The following THOC1 variants were observed in gnomAD, a reference collection of about 807,000 sequenced individuals.
THOC1 encodes THO complex subunit 1.
Under a neutral mutation model 97.3 loss-of-function variants are expected in THOC1, and 29 were observed. The ratio of observed to expected loss-of-function variants is 0.30; its 90% CI spans 0.22 to 0.41. The LOEUF (loss-of-function observed/expected upper bound fraction) is 0.41, where lower values mean the gene tolerates loss of function less well. Among genes scored for constraint, THOC1 ranks in the 10% least tolerant of loss-of-function variants. The probability of loss-of-function intolerance (pLI) is 1.00; values close to 1 mark genes in which losing one functional copy is unlikely to be tolerated. For missense variants in THOC1, 529 were observed against 761.9 expected (o/e 0.69, Z 3.60); for synonymous variants, 255 against 257.0 (o/e 0.99, Z 0.07).
At chr18:216,288 T>C in intron 19 of THOC1, 198 bp downstream of exon 19, 1 of 621,532 alleles carries the variant, frequency 1.6e-6, no homozygotes, top group Non-Finnish European at 2.7e-6. Context: ...GTACAGAAAA[T>C]TATCAGTTAC....
chr18:254,190 G>T lies in THOC1; in HGVS notation c.603+83C>A. 2 of 959,484 alleles carry T rather than the reference G, an allele frequency of 2.1e-6. No homozygotes were observed. The highest frequency in any genetic ancestry group is 2.1e-4 in the Middle Eastern group (1 of 4,808). 59.4% of individuals were successfully genotyped at this position (959,484 alleles called of 1,614,324 possible). A position where few individuals can be genotyped will look rare whatever the true frequency, so the allele number is the denominator to read the frequency against. ...GCCTCCCAAAGTGCTAGGATTACAA[G>T]TGTGAGCCACTGTGCCTGGACCCAC... is the stretch of plus-strand genomic sequence containing the variant. On this transcript the variant is annotated intron_variant, in intron 8 of 20. Coordinates refer to ENST00000261600, the MANE Select transcript of THOC1 (RefSeq NM_005131.3). The surrounding 1 kb of genome is among the most constrained non-coding windows in gnomAD (Gnocchi z 4.1).
chr18:224,053 G>C lies in THOC1; in HGVS notation c.1304+31C>G, dbSNP rs1462052078. The C allele has an allele frequency of 2.2e-6, 3 of 1,380,952 alleles. No homozygotes were observed. In the African/African-American group the frequency reaches 4.3e-5, roughly 20 times the overall value. The allele number at this position is 1,380,952 out of a possible 1,614,324, so 85.5% of individuals were successfully genotyped here. ...ATCTTCAAAATATAAAAATAACTAAGAACATCCCACATGAAGACAAATTCA... is the reference window on the plus strand; with the variant it reads ...ATCTTCAAAATATAAAAATAACTAACAACATCCCACATGAAGACAAATTCA... On this transcript the variant is annotated intron_variant, in intron 16 of 20. Coordinates refer to ENST00000261600, the MANE Select transcript of THOC1 (RefSeq NM_005131.3).
At chr18:215,946 C>G (rs1394671434) in intron 19 of THOC1, among the ~76,000 whole-genome samples, 3 of 152,056 alleles carry the variant, frequency 2.0e-5, no homozygotes, top group Non-Finnish European at 4.4e-5. Context: ...AACAGTTTAC[C>G]TGAAGTATCA....
chr18:226,436 A>G (rs903826234), intron 12 of THOC1: 1 of 169,494 alleles, frequency 5.9e-6, no homozygotes, highest in Non-Finnish European at 1.3e-5. Flanking sequence ...AATGTCCTGC[A>G]GAGCTCCACA....
chr18:265,888 A>G (rs1912752100), intron 1 of THOC1, among the ~76,000 whole-genome samples: 2 of 152,158 alleles, frequency 1.3e-5, no homozygotes, highest in African/African-American at 4.8e-5. Flanking sequence ...GGTCCTTGAT[A>G]ATGTTATCCC....
chr18:222,928 ATTAT>A (rs1289896110), intron 17 of THOC1, among the ~76,000 whole-genome samples: 2 of 151,292 alleles, frequency 1.3e-5, no homozygotes, highest in African/African-American at 4.9e-5. Flanking sequence ...CCCATTCTCT[ATTAT>A]TTCTTTCTGC....
chr18:252,493 G>A (rs1389135036), intron 9 of THOC1, 46 bp downstream of exon 9: 1 of 1,399,286 alleles, frequency 7.1e-7, no homozygotes, highest in African/African-American at 1.4e-5. Flanking sequence ...CAATAAATTA[G>A]GAGATTATCT....
chr18:223,994 T>C, intron 16 of THOC1, 90 bp downstream of exon 16: 1 of 942,618 alleles, frequency 1.1e-6, no homozygotes, highest in Non-Finnish European at 1.7e-6. Context: ...CACAATCTCA[T>C]ACTATATTTT....
intron 1 of THOC1, among the ~76,000 whole-genome samples, chr18:266,693 C>A (rs1301986474): frequency 2.6e-5 from 4 of 152,100 alleles, no homozygotes; most frequent in Admixed American, 2.6e-4. Flanking sequence ...CCCACCACCA[C>A]GCCTGGCTAA....
intron 11 of THOC1, among the ~76,000 whole-genome samples, chr18:234,657 C>T (rs991737672): frequency 1.3e-5 from 2 of 152,182 alleles, no homozygotes; most frequent in Non-Finnish European, 1.5e-5. Flanking sequence ...GCTGGGATTA[C>T]AGGCGTAAGC....
At chr18:218,761 C>A in intron 18 of THOC1, 125 bp downstream of exon 18, 1 of 712,204 alleles carries the variant, frequency 1.4e-6, no homozygotes, top group South Asian at 2.0e-5. Context: ...AACATAAACT[C>A]ACCTAAGAGA....
chr18:215,335 T>C (rs1298478149), intron 20 of THOC1, 94 bp downstream of exon 20: 15 of 921,530 alleles, frequency 1.6e-5, no homozygotes, highest in African/African-American at 3.3e-5. Context: ...ATGGGAGAAG[T>C]TGAGAAGTCG....
chr18:216,714 T>C (rs892945900), intron 18 of THOC1, 81 bp from the exon 19 acceptor site: 2 of 1,462,488 alleles, frequency 1.4e-6, no homozygotes, highest in Non-Finnish European at 1.8e-6. Flanking sequence ...CATGTGTAAT[T>C]CTGTATTTAA....
chr18:239,881 CCA>C (rs1911838537), intron 11 of THOC1, among the ~76,000 whole-genome samples: 1 of 152,076 alleles, frequency 6.6e-6, no homozygotes, highest in South Asian at 2.1e-4. Context: ...GGTATGAAGT[CCA>C]TTTATAACCA....
chr18:235,225 G>T (rs991185248), intron 11 of THOC1, among the ~76,000 whole-genome samples: 1 of 151,704 alleles, frequency 6.6e-6, no homozygotes, highest in East Asian at 1.9e-4. Context: ...AATTTTTACT[G>T]TTAATATTGT....
In THOC1 at chr18:260,186, T is replaced by C. The variant is rs1487904520; in HGVS notation, c.375A>G (p.Ser125=). 6 of 1,541,118 alleles carry C rather than the reference T, an allele frequency of 3.9e-6. No homozygotes were observed. Among genetic ancestry groups the C allele is most frequent in the Non-Finnish European group, 4.4e-6 (5 of 1,143,146 alleles). ...FVEKNVATWK[S]NTFYSAGKNY... is the part of the protein sequence containing the mutation. The stretch of plus-strand genomic sequence containing the variant: ...CAGGAAAAGAAACTAAGGCACTTAC[T>C]GATTTCCAAGTAGCAACATTTTTTT... The change falls in exon 5 of 21, where the codon TCA becomes TCG. Residue 125 remains serine, a splice_region_variant and synonymous_variant. Transcript: ENST00000261600.
intron 7 of THOC1, among the ~76,000 whole-genome samples, chr18:257,867 CAG>C (rs1370262256): frequency 6.6e-6 from 1 of 151,668 alleles, no homozygotes; most frequent in African/African-American, 2.4e-5. Context: ...GAGTAAAAAA[CAG>C]AGGATACAGT....
At chr18:267,829 G>T (rs377164007) in intron 1 of THOC1, 137 bp downstream of exon 1, 1 of 914,620 alleles carries the variant, frequency 1.1e-6, no homozygotes, top group Non-Finnish European at 1.6e-6. Context: ...CTCAACCTCC[G>T]ACGGGGCCCG....
rs1186662392 is a variant in THOC1 at position 225,487 on chromosome 18, CAT to C, written c.1020-86_1020-85del. The C allele has an allele frequency of 1.7e-4, 187 of 1,082,412 alleles. 1 individual carries two copies. The African/African-American group carries it at 2.5e-3, about 15-fold the overall frequency. The allele number at this position is 1,082,412 out of a possible 1,614,324, so 67.1% of individuals were successfully genotyped here. A position where few individuals can be genotyped will look rare whatever the true frequency, so the allele number is the denominator to read the frequency against. On this transcript the variant is annotated intron_variant, in intron 12 of 20. Coordinates refer to ENST00000261600, the MANE Select transcript of THOC1 (RefSeq NM_005131.3). ...GGTTTAAAAAACACAAGGCATGTAA[CAT>C]GTAACTATACTGTGGATAGTGTCAA...
Sources: allele counts gnomAD v4.1 joint callset (sites outside exome capture counted in the v4.1 genomes callset), GRCh38; gene constraint gnomAD v4.1.1; non-coding constraint Gnocchi (gnomAD v3.1); transcripts MANE v1.5; gene names NCBI Gene and HGNC (gene_info 2026-07-23, HGNC 2026-07-21).